The following KCNQ4 variants were observed in gnomAD, a reference collection of about 807,000 sequenced individuals.
KCNQ4 encodes the protein potassium voltage-gated channel subfamily Q member 4.
Under a neutral mutation model 72.6 loss-of-function variants are expected in KCNQ4, and 31 were observed. The observed-to-expected ratio is 0.43, with a 90% confidence interval of 0.32 to 0.58. The LOEUF is 0.58. Among genes scored for constraint, KCNQ4 ranks in the 20% least tolerant of loss-of-function variants. KCNQ4 has a pLI of 0.08. For synonymous variants in KCNQ4, 405 were observed against 403.7 expected, an observed-to-expected ratio of 1.00 and a Z score of -0.04; for missense variants, 869 against 962.6, an observed-to-expected ratio of 0.90 and a Z score of 1.29.
At position 40,838,513 on chromosome 1, in the gene KCNQ4, ACATGGAC is replaced by A. The variant is rs1558037944; in HGVS notation, c.2079_2085del (p.Met694GlufsTer45). On this transcript the variant is annotated frameshift_variant, in exon 14 of 14. Coordinates refer to ENST00000347132, the MANE Select transcript of KCNQ4 (RefSeq NM_004700.4). LOFTEE classifies it high-confidence loss of function. Reference sequence around the variant, plus strand: ...AGCATCTCCCGCTCGGTCAGCACCAACATGGACTGAGGGACTTCTCAGAGGCAGGGCA... The same window carrying A: ...AGCATCTCCCGCTCGGTCAGCACCAATGAGGGACTTCTCAGAGGCAGGGCA... The A allele has an allele frequency of 1.9e-6, 3 of 1,614,000 alleles. No individual in the cohort carries two copies. Among genetic ancestry groups the A allele is most frequent in the Middle Eastern group, 1.6e-4 (1 of 6,062 alleles).
At chr1:40,785,844 G>C (rs1171851773) in intron 1 of KCNQ4, among the ~76,000 whole-genome samples, 2 of 152,118 alleles carry the variant, frequency 1.3e-5, no homozygotes, top group Non-Finnish European at 2.9e-5. Flanking sequence ...GAGGGGCAGG[G>C]GGGGAAGACA....
At chr1:40,833,160 C>T in intron 11 of KCNQ4, 47 bp downstream of exon 11, 4 of 1,393,720 alleles carry the variant, frequency 2.9e-6, no homozygotes, top group Non-Finnish European at 4.0e-6. Context: ...GTGCCACCCA[C>T]TGCTGCTCCC....
chr1:40,789,408 C>T (rs1012761207), intron 1 of KCNQ4, among the ~76,000 whole-genome samples: 1 of 152,328 alleles, frequency 6.6e-6, no homozygotes, highest in Middle Eastern at 3.4e-3. Flanking sequence ...GCTCTAAGAA[C>T]TTTGCCCTTG....
intron 9 of KCNQ4, 111 bp downstream of exon 9, chr1:40,824,369 C>T: frequency 8.2e-7 from 1 of 1,218,088 alleles, no homozygotes; most frequent in East Asian, 2.6e-5. Flanking sequence ...GTGTCTGGGC[C>T]TGTTTGGGGG....
At chr1:40,795,255 C>CTTTTT (rs10632610) in intron 1 of KCNQ4, among the ~76,000 whole-genome samples, 1 of 128,494 alleles carries the variant, frequency 7.8e-6, no homozygotes, top group Non-Finnish European at 1.6e-5. Flanking sequence ...GTGGTTTTAC[C>CTTTTT]TTTTTTTTTT....
intron 1 of KCNQ4, among the ~76,000 whole-genome samples, chr1:40,802,549 A>G (rs1214784802): frequency 3.5e-5 from 5 of 142,340 alleles, no homozygotes; most frequent in Non-Finnish European, 6.2e-5. Flanking sequence ...TGCCCCGCCC[A>G]TTTCCGTAAG....
intron 1 of KCNQ4, among the ~76,000 whole-genome samples, chr1:40,814,454 C>A (rs1213142922): frequency 6.6e-6 from 1 of 152,126 alleles, no homozygotes; most frequent in Non-Finnish European, 1.5e-5. Flanking sequence ...GCTTACATTG[C>A]CAGCTCTGGG....
chr1:40,784,699 G>A lies in KCNQ4; in HGVS notation c.314+292G>A, dbSNP rs1028855124. ...TCCTCTGTCCCAGGTACTCCCGACC[G>A]CCAGCTGCCTCCCCCAAGTCCGCTT... On this transcript the variant is annotated intron_variant, in intron 1 of 13. Coordinates refer to ENST00000347132, the MANE Select transcript of KCNQ4 (RefSeq NM_004700.4). The surrounding 1 kb of genome is among the most constrained non-coding windows in gnomAD (Gnocchi z 4.1). Among the ~76,000 whole-genome samples, 10 of 152,286 alleles carry A rather than the reference G, an allele frequency of 6.6e-5. No individual in the cohort carries two copies. The highest frequency in any genetic ancestry group is 3.4e-3 in the Middle Eastern group (1 of 294).
chr1:40,838,192 C>A, intron 13 of KCNQ4, 119 bp from the exon 14 acceptor site: 1 of 870,472 alleles, frequency 1.1e-6, no homozygotes. Context: ...GGGATTTGTG[C>A]TTCCCAGATA....
At chr1:40,811,786 C>G (rs1210338656) in intron 1 of KCNQ4, among the ~76,000 whole-genome samples, 3 of 152,208 alleles carry the variant, frequency 2.0e-5, no homozygotes, top group East Asian at 3.8e-4. Context: ...CCACAACTTG[C>G]AGGCAGACAT....
chr1:40,812,543 T>A (rs1647959930), intron 1 of KCNQ4, among the ~76,000 whole-genome samples: 2 of 152,208 alleles, frequency 1.3e-5, no homozygotes, highest in South Asian at 4.1e-4. Context: ...ATTACAGGCA[T>A]GAGCCACCGC....
intron 1 of KCNQ4, among the ~76,000 whole-genome samples, chr1:40,812,334 G>A (rs1647953924): frequency 6.6e-6 from 1 of 152,176 alleles, no homozygotes; most frequent in African/African-American, 2.4e-5. Context: ...ACAGCTCACT[G>A]TAGCCTCAAC....
At chr1:40,834,731 A>G (rs1346332346) in intron 11 of KCNQ4, among the ~76,000 whole-genome samples, 2 of 151,488 alleles carry the variant, frequency 1.3e-5, no homozygotes, top group Non-Finnish European at 2.9e-5. Flanking sequence ...TTCTCATACC[A>G]TGGCACCCTG....
At chr1:40,798,122 T>C (rs58168397) in intron 1 of KCNQ4, among the ~76,000 whole-genome samples, 61,991 of 151,860 alleles carry the variant, frequency 0.41, 12,947 homozygotes, top group African/African-American at 0.47. Context: ...ATGGAAATCA[T>C]TGGTCTCACC....
chr1:40,784,334 C>G lies in KCNQ4; in HGVS notation c.241C>G (p.Arg81Gly), dbSNP rs760630974. 6.2e-7 allele frequency: 1 copy of G among 1,609,072 alleles called. No homozygotes were observed. Among genetic ancestry groups the G allele is most frequent in the Non-Finnish European group, 8.5e-7 (1 of 1,179,180 alleles). The change falls in exon 1 of 14, where the codon CGC becomes GGC. Residue 81 changes from arginine to glycine, a missense_variant. Coordinates refer to ENST00000347132, the MANE Select transcript of KCNQ4 (RefSeq NM_004700.4). This position sits in a 1 kb window ranked among gnomAD's most constrained non-coding sequence, Gnocchi z 4.1. ...QRSSAAHKRY[R>G]RLQNWVYNVL... ...CTCCTCGGCCGCGCACAAGCGCTAC[C>G]GCCGCCTGCAGAACTGGGTCTACAA...
intron 7 of KCNQ4, among the ~76,000 whole-genome samples, chr1:40,821,095 CAGCCTTTTCTTCTT>C (rs1165512504): frequency 6.6e-6 from 1 of 152,214 alleles, no homozygotes; most frequent in Non-Finnish European, 1.5e-5. Context: ...GCCACCAGCT[CAGCCTTTTCTTCTT>C]AGCGTCCCTT....
intron 9 of KCNQ4, chr1:40,826,737 C>T (rs1648490049): frequency 1.4e-5 from 6 of 442,720 alleles, no homozygotes; most frequent in Non-Finnish European, 2.3e-5. Context: ...CCTCCTTGCC[C>T]CACCCAATTT....
rs1455880810 is a variant in KCNQ4, at chr1:40,821,291, G to A, written c.1042-1023G>A. 2.0e-5 allele frequency among the ~76,000 whole-genome samples: 3 copies of A among 152,214 alleles called. No homozygotes were observed. The East Asian group carries it at 5.8e-4, about 29-fold the overall frequency. ...TGCCAGGGGCCTAGGCAAGCAGGAA[G>A]TAAAAATATTCCTGTCTTAGGAGGG... is the stretch of plus-strand genomic sequence containing the variant. On this transcript the variant is annotated intron_variant, in intron 7 of 13. Coordinates refer to ENST00000347132, the MANE Select transcript of KCNQ4 (RefSeq NM_004700.4).
chr1:40,829,665 G>A (rs529077801), intron 9 of KCNQ4, among the ~76,000 whole-genome samples: 2 of 152,278 alleles, frequency 1.3e-5, no homozygotes, highest in Admixed American at 1.3e-4. Context: ...AAGCCTCTGA[G>A]AGTAGGTGAC....
Sources: allele counts gnomAD v4.1 joint callset (sites outside exome capture counted in the v4.1 genomes callset), GRCh38; gene constraint gnomAD v4.1.1; non-coding constraint Gnocchi (gnomAD v3.1); transcripts MANE v1.5; gene names NCBI Gene and HGNC (gene_info 2026-07-23, HGNC 2026-07-21).